The following RAX variants were observed in gnomAD, a reference collection of about 807,000 sequenced individuals.
The protein encoded by RAX is retinal homeobox protein Rx.
Under a neutral mutation model 17.4 loss-of-function variants are expected in RAX, and 11 were observed. The ratio of observed to expected loss-of-function variants is 0.63; its 90% confidence interval spans 0.40 to 1.05. The LOEUF (loss-of-function observed/expected upper bound fraction) is 1.05, where lower values mean the gene tolerates loss of function less well. Among genes scored for constraint, RAX ranks in the 50% least tolerant of loss-of-function variants. RAX has a pLI of 0.00. For synonymous variants in RAX, 276 were observed against 254.7 expected (o/e 1.08, Z -0.80); for missense variants, 527 against 501.1 (o/e 1.05, Z -0.49).
Position 59,269,457 on chromosome 18 carries a change from C to G in RAX, c.588G>C (p.Lys196Asn), listed in dbSNP as rs2070316113. 8.2e-6 allele frequency: 13 copies of G among 1,594,622 alleles called. No homozygotes were observed. Among genetic ancestry groups the G allele is most frequent in the Non-Finnish European group, 1.1e-5 (13 of 1,178,704 alleles). Residue 196 changes from lysine (K) to asparagine (N), a missense_variant, in exon 3 of 3, where the codon AAG becomes AAC. Coordinates refer to ENST00000334889, the MANE Select transcript of RAX (RefSeq NM_013435.3). Reference sequence around the variant, plus strand: ...GCAGCTTCATGGAGGACACTTCCAGCTTCTCCTGCCGCCGCCACTTAGCCC... The same window carrying G: ...GCAGCTTCATGGAGGACACTTCCAGGTTCTCCTGCCGCCGCCACTTAGCCC... Reference protein sequence around the residue: ...NRRAKWRRQEKLEVSSMKLQD... With the variant: ...NRRAKWRRQENLEVSSMKLQD...
rs2070307587 is a variant in RAX at position 59,269,027 on chromosome 18, C to G, written c.1018G>C (p.Gly340Arg). ...CCCTAGAGGGCCTGCCACGGCTTCC[C>G]GATGGCCTGGATGTGCTCCTTGGCT... The part of the protein sequence containing the change: ...LKAKEHIQAI[G>R]KPWQAL The change falls in exon 3 of 3, where the codon GGG (glycine) becomes CGG (arginine). Residue 340 changes from glycine to arginine, a missense_variant. Physicochemically the swap from Gly to Arg is moderately radical, Grantham distance 125. Transcript: ENST00000334889. The G allele has an allele frequency of 1.6e-5, 26 of 1,613,060 alleles. No individual in the cohort carries two copies. The highest frequency in any genetic ancestry group is 2.2e-5 in the Non-Finnish European group (26 of 1,179,880).
intron 2 of RAX, among the ~76,000 whole-genome samples, chr18:59,269,733 TCTCTC>T (rs202093503): frequency 0.2 from 23,792 of 119,650 alleles, 2,541 homozygotes; most frequent in Non-Finnish European, 0.25. Flanking sequence ...TCTCTCTCTC[TCTCTC>T]TTTTTTTTTT....
rs1416528261 is a variant in RAX, at chr18:59,269,426, A to C, written c.619T>G (p.Ser207Ala). ...LEVSSMKLQD[S>A]PLLSFSRSPP... Reference sequence around the variant, plus strand: ...GAGCGGCTGAAGGAGAGGAGGGGCGAGTCCTGCAGCTTCATGGAGGACACT... The same window carrying C: ...GAGCGGCTGAAGGAGAGGAGGGGCGCGTCCTGCAGCTTCATGGAGGACACT... Residue 207 changes from serine (S) to alanine (A), a missense_variant, in exon 3 of 3, where the codon TCG (serine) becomes GCG (alanine). Physicochemically the swap from Ser to Ala is moderately conservative, Grantham distance 99. Coordinates refer to ENST00000334889, the MANE Select transcript of RAX (RefSeq NM_013435.3). The C allele has an allele frequency of 6.3e-7, 1 of 1,580,360 alleles. No individual in the cohort carries two copies. The highest frequency in any genetic ancestry group is 1.3e-5 in the African/African-American group (1 of 74,392).
intron 2 of RAX, among the ~76,000 whole-genome samples, chr18:59,270,194 G>A (rs568681405): frequency 1.3e-5 from 2 of 152,246 alleles, no homozygotes; most frequent in East Asian, 1.9e-4. Context: ...AGCAAGTGGG[G>A]TTTATTTTGC....
chr18:59,270,966 AG>A (rs1247726921), intron 2 of RAX, among the ~76,000 whole-genome samples: 7 of 152,188 alleles, frequency 4.6e-5, no homozygotes, highest in African/African-American at 1.7e-4. Flanking sequence ...CTTCAGATCT[AG>A]TGTCCCAGGT....
intron 2 of RAX, among the ~76,000 whole-genome samples, chr18:59,270,097 T>C (rs977041666): frequency 2.0e-5 from 3 of 152,200 alleles, no homozygotes; most frequent in African/African-American, 4.8e-5. Flanking sequence ...CAGGTATAAA[T>C]AAATATTGTT....
intron 1 of RAX, 24 bp downstream of exon 1, chr18:59,272,894 G>T: frequency 1.2e-5 from 18 of 1,492,112 alleles, no homozygotes; most frequent in Non-Finnish European, 1.5e-5. Context: ...GAACGGCCTC[G>T]CACAGCCAGG....
chr18:59,272,235 C>T, intron 2 of RAX, 126 bp downstream of exon 2: 2 of 1,328,926 alleles, frequency 1.5e-6, no homozygotes, highest in Non-Finnish European at 2.1e-6. Flanking sequence ...CCTTGAGACT[C>T]TGGGCATGCC....
At chr18:59,272,639 T>C in intron 1 of RAX, 25 bp from the exon 2 acceptor site, 1 of 1,596,952 alleles carries the variant, frequency 6.3e-7, no homozygotes, top group Non-Finnish European at 8.5e-7. Flanking sequence ...CCCGGGAGGG[T>C]CAGATGCACT....
chr18:59,269,068 G>A lies in RAX; in HGVS notation c.977C>T (p.Ala326Val), dbSNP rs764850881. 2.5e-6 allele frequency: 4 copies of A among 1,612,794 alleles called. No individual in the cohort carries two copies. In the South Asian group the frequency reaches 4.4e-5, roughly 18 times the overall value. ...CTCCTTGGCTTTCAGACGCAGCGCCGCGATGCTGCTGTTGCGCGGGTCCGC... is the reference window on the plus strand; with the variant it reads ...CTCCTTGGCTTTCAGACGCAGCGCCACGATGCTGCTGTTGCGCGGGTCCGC... ...DEADPRNSSI[A>V]ALRLKAKEHI... Residue 326 changes from alanine (A) to valine (V), a missense_variant, in exon 3 of 3, where the codon GCG (alanine) becomes GTG (valine). Physicochemically the swap from Ala to Val is moderately conservative, Grantham distance 64. Transcript: ENST00000334889.
intron 1 of RAX, 124 bp from the exon 2 acceptor site, chr18:59,272,738 G>T: frequency 7.1e-7 from 1 of 1,409,172 alleles, no homozygotes; most frequent in Non-Finnish European, 9.3e-7. Flanking sequence ...GAGGTCCGTG[G>T]TGAGGGCGGC....
chr18:59,272,214 C>A, intron 2 of RAX, 147 bp downstream of exon 2: 1 of 1,104,368 alleles, frequency 9.1e-7, no homozygotes, highest in Non-Finnish European at 1.3e-6. Context: ...CATCGAAGAT[C>A]TGTGCCTCTC....
chr18:59,273,153 G>T lies in RAX; in HGVS notation c.54C>A (p.Ala18=). ...CGCCCGGGCTGCGGAGCAGGTGGCCGGCAAGCGAGAAGCTCCCGTCGGCCA... is the reference window on the plus strand; with the variant it reads ...CGCCCGGGCTGCGGAGCAGGTGGCCTGCAAGCGAGAAGCTCCCGTCGGCCA... ...PAMADGSFSL[A]GHLLRSPGGS... Residue 18 remains alanine (A), a synonymous_variant, in exon 1 of 3, where the codon GCC becomes GCA. Coordinates refer to ENST00000334889, the MANE Select transcript of RAX (RefSeq NM_013435.3). 1 of 1,533,748 alleles carries T rather than the reference G, an allele frequency of 6.5e-7. No individual in the cohort carries two copies. The highest frequency in any genetic ancestry group is 8.7e-7 in the Non-Finnish European group (1 of 1,145,860).
Position 59,269,433 on chromosome 18 carries a change from C to A in RAX, c.612G>T (p.Leu204=). The A allele has an allele frequency of 1.9e-6, 3 of 1,587,196 alleles. No homozygotes were observed. The highest frequency in any genetic ancestry group is 2.6e-6 in the Non-Finnish European group (3 of 1,175,262). ...TGAAGGAGAGGAGGGGCGAGTCCTG[C>A]AGCTTCATGGAGGACACTTCCAGCT... The part of the protein sequence containing the change: ...QEKLEVSSMK[L]QDSPLLSFSR... Residue 204 remains leucine (L), a synonymous_variant, in exon 3 of 3, where the codon CTG becomes CTT. Coordinates refer to ENST00000334889, the MANE Select transcript of RAX (RefSeq NM_013435.3).
chr18:59,269,373 G>T lies in RAX; in HGVS notation c.672C>A (p.Leu224=). The T allele has an allele frequency of 6.7e-7, 1 of 1,487,224 alleles. No individual in the cohort carries two copies. The highest frequency in any genetic ancestry group is 8.9e-7 in the Non-Finnish European group (1 of 1,123,038). The allele number at this position is 1,487,224 out of a possible 1,614,324, so 92.1% of individuals were successfully genotyped here. Residue 224 remains leucine, a synonymous_variant, in exon 3 of 3, where the codon CTC becomes CTA. Transcript: ENST00000334889. The part of the protein sequence containing the change: ...RSPPSATLSP[L]GAGPGSGGGP... The stretch of plus-strand genomic sequence containing the variant: ...CGCCACCGCTGCCCGGGCCCGCCCC[G>T]AGGGGCGACAGCGTCGCGGAGGGCG...
intron 2 of RAX, 38 bp downstream of exon 2, chr18:59,272,323 C>T (rs747768044): frequency 6.2e-7 from 1 of 1,613,884 alleles, no homozygotes; most frequent in Admixed American, 1.7e-5. Flanking sequence ...GGGCCTCGGG[C>T]CCTCCCAGAT....
rs780060394 is a variant in RAX at position 59,267,743 on chromosome 18, G to A, written c.*1261C>T. On this transcript the variant is annotated 3_prime_UTR_variant, in exon 3 of 3. Transcript: ENST00000334889. ...CGAGCACGCTCAGGCGGGAGTCCGG[G>A]ACTCTCCTTCTTCAGAGAGTCTCAG... The A allele has an allele frequency of 6.6e-6, 1 of 152,066 alleles. No homozygotes were observed. The highest frequency in any genetic ancestry group is 2.1e-4 in the South Asian group (1 of 4,816). 9.4% of individuals were successfully genotyped at this position (152,066 alleles called of 1,614,324 possible). A position where few individuals can be genotyped will look rare whatever the true frequency, so the allele number is the denominator to read the frequency against.
intron 2 of RAX, among the ~76,000 whole-genome samples, chr18:59,271,267 T>C (rs2070336221): frequency 6.6e-6 from 1 of 152,168 alleles, no homozygotes; most frequent in South Asian, 2.1e-4. Flanking sequence ...TTCTGTAGGG[T>C]ACTGGAAGGC....
Position 59,273,243 on chromosome 18 carries a change from G to T in RAX, c.-37C>A, listed in dbSNP as rs1002747109. ...GGAGGCGGGAGGGCGCTTTGGAGAC[G>T]GAGAGGAGAGGCTCGAAGCCGGGTC... On this transcript the variant is annotated 5_prime_UTR_variant, in exon 1 of 3. Coordinates refer to ENST00000334889, the MANE Select transcript of RAX (RefSeq NM_013435.3). 2.0e-5 allele frequency: 30 copies of T among 1,511,166 alleles called. 1 individual carries two copies. The highest frequency in any genetic ancestry group is 2.3e-5 in the Non-Finnish European group (26 of 1,134,400). 93.6% of individuals were successfully genotyped at this position (1,511,166 alleles called of 1,614,324 possible).
Sources: gnomAD v4.1 joint callset for allele counts (sites outside exome capture counted in the v4.1 genomes callset) on GRCh38, gnomAD v4.1.1 for gene constraint, MANE v1.5 for transcripts, NCBI Gene and HGNC (gene_info 2026-07-23, HGNC 2026-07-21) for gene names.